Variants in PEX11G observed in about 807,000 individuals in gnomAD.
PEX11G encodes peroxisomal membrane protein 11C.
Under a neutral mutation model 22.5 loss-of-function variants are expected in PEX11G, and 20 were observed. The observed-to-expected ratio is 0.89, with a 90% CI of 0.62 to 1.29. The LOEUF is 1.29. Ranked by LOEUF, PEX11G falls within the 50% of genes most tolerant of loss-of-function variation. The pLI is 0.00. For missense variants in PEX11G, 347 were observed against 331.3 expected (o/e 1.05, Z -0.37); for synonymous variants, 141 against 154.5 (o/e 0.91, Z 0.65).
intron 2 of PEX11G, among the ~76,000 whole-genome samples, chr19:7,484,232 C>T (rs11883404): frequency 0.38 from 56,858 of 151,604 alleles, 11,365 homozygotes; most frequent in African/African-American, 0.53. Flanking sequence ...GGTGCACCTG[C>T]AGTCCCAGCT....
At position 7,477,195 on chromosome 19, in the gene PEX11G, G is replaced by A. The variant is rs765161621; in HGVS notation, c.*7C>T. The A allele has an allele frequency of 6.8e-6, 10 of 1,469,102 alleles. No individual in the cohort carries two copies. Among genetic ancestry groups the A allele is most frequent in the Middle Eastern group, 1.8e-4 (1 of 5,494 alleles). The allele number at this position is 1,469,102 out of a possible 1,614,324, so 91.0% of individuals were successfully genotyped here. ...TCTGGCTGTGTCCCTGTGCTCTTCC[G>A]GCAGTGTCAGGGGGTAGTGGCCTCG... On this transcript the variant is annotated 3_prime_UTR_variant, in exon 5 of 5. Coordinates refer to ENST00000221480, the MANE Select transcript of PEX11G (RefSeq NM_080662.4).
chr19:7,481,721 C>G (rs1358524850), intron 3 of PEX11G, among the ~76,000 whole-genome samples: 1 of 152,172 alleles, frequency 6.6e-6, no homozygotes, highest in Non-Finnish European at 1.5e-5. Context: ...ACGGACCTCC[C>G]CCTGGGACCT....
intron 1 of PEX11G, among the ~76,000 whole-genome samples, chr19:7,487,757 T>C (rs1311726123): frequency 1.3e-5 from 2 of 152,274 alleles, no homozygotes; most frequent in East Asian, 3.9e-4. Context: ...TTTTCAGAAA[T>C]TGCTTGTTCC....
chr19:7,477,419 T>A lies in PEX11G; in HGVS notation c.509A>T (p.Lys170Met). 6.8e-7 allele frequency: 1 copy of A among 1,472,880 alleles called. No individual in the cohort carries two copies. The highest frequency in any genetic ancestry group is 9.0e-7 in the Non-Finnish European group (1 of 1,115,776). 91.2% of individuals were successfully genotyped at this position (1,472,880 alleles called of 1,614,324 possible). ...APFTSPLPRG[K>M]RRAMEAQMQS... is the part of the protein sequence containing the mutation. ...CATCTGCGCCTCCATGGCCCTCCGCTTGCCCCGGGGCAGCGGGCTGTGGGG... is the reference window on the plus strand; with the variant it reads ...CATCTGCGCCTCCATGGCCCTCCGCATGCCCCGGGGCAGCGGGCTGTGGGG... Residue 170 changes from lysine (K) to methionine (M), a missense_variant, in exon 5 of 5, where the codon AAG becomes ATG. Coordinates refer to ENST00000221480, the MANE Select transcript of PEX11G (RefSeq NM_080662.4).
chr19:7,484,414 T>C (rs988427699), intron 2 of PEX11G, among the ~76,000 whole-genome samples: 3 of 151,892 alleles, frequency 2.0e-5, no homozygotes, highest in African/African-American at 7.3e-5. Flanking sequence ...AAAAAAGCAC[T>C]GTTTATGTAA....
In PEX11G at chr19:7,485,396, T is replaced by C. The variant is rs1019118638; in HGVS notation, c.249+442A>G. On this transcript the variant is annotated intron_variant, in intron 2 of 4. Coordinates refer to ENST00000221480, the MANE Select transcript of PEX11G (RefSeq NM_080662.4). ...TTTTAGACGGAGTCTCGCTCTGTCG[T>C]CCAGGCTGGAGTGCAGTGGCGCGAT... Among the ~76,000 whole-genome samples the C allele has an allele frequency of 4.6e-5, 7 of 151,192 alleles. No individual in the cohort carries two copies. The East Asian group carries it at 9.8e-4, about 21-fold the overall frequency.
At chr19:7,479,042 A>G (rs1269325921) in intron 3 of PEX11G, among the ~76,000 whole-genome samples, 3 of 152,184 alleles carry the variant, frequency 2.0e-5, no homozygotes, top group Non-Finnish European at 4.4e-5. Context: ...TGTGACTGTG[A>G]CAGAATGGGC....
At chr19:7,488,768 C>T (rs950606468) in intron 1 of PEX11G, among the ~76,000 whole-genome samples, 183 bp downstream of exon 1, 3 of 152,250 alleles carry the variant, frequency 2.0e-5, no homozygotes, top group Non-Finnish European at 4.4e-5. Flanking sequence ...CACCACTGCA[C>T]TCCAGCCAAA....
chr19:7,486,169 C>T, intron 1 of PEX11G, 143 bp from the exon 2 acceptor site: 1 of 724,162 alleles, frequency 1.4e-6, no homozygotes, highest in Non-Finnish European at 2.1e-6. Flanking sequence ...CTCTGTCATC[C>T]AGACTGGAGT....
chr19:7,489,843 G>A (rs1336165086), upstream of PEX11G, among the ~76,000 whole-genome samples: 1 of 150,926 alleles, frequency 6.6e-6, no homozygotes, highest in Non-Finnish European at 1.5e-5. Flanking sequence ...ACTCTTGTCT[G>A]GAGACGTCTT....
chr19:7,482,306 G>T, intron 2 of PEX11G, 95 bp from the exon 3 acceptor site: 1 of 1,368,386 alleles, frequency 7.3e-7, no homozygotes. Context: ...GCTATTTCCT[G>T]ACCCCAGTCC....
At chr19:7,489,452 T>C, upstream of PEX11G, 6 of 995,604 alleles carry the variant, frequency 6.0e-6, no homozygotes, top group Non-Finnish European at 7.2e-6. Context: ...TGCTGTAATA[T>C]CACAACAAGG....
intron 2 of PEX11G, among the ~76,000 whole-genome samples, 155 bp from the exon 3 acceptor site, chr19:7,482,366 C>A (rs993199074): frequency 1.3e-5 from 2 of 152,180 alleles, no homozygotes; most frequent in African/African-American, 4.8e-5. Context: ...GGCTCTGGGG[C>A]TGGGGTCCCC....
chr19:7,487,400 C>G (rs2145977418), intron 1 of PEX11G, among the ~76,000 whole-genome samples: 1 of 152,238 alleles, frequency 6.6e-6, no homozygotes, highest in South Asian at 2.1e-4. Flanking sequence ...TGATGTGGAG[C>G]CTTCTGAAAT....
At chr19:7,491,983 T>C (rs1466352985), upstream of PEX11G, among the ~76,000 whole-genome samples, 1 of 152,208 alleles carries the variant, frequency 6.6e-6, no homozygotes, top group African/African-American at 2.4e-5. Context: ...GAGGTTTGTC[T>C]AAGTTGCAGC....
upstream of PEX11G, among the ~76,000 whole-genome samples, chr19:7,490,455 GCAC>G (rs561614222): frequency 4.0e-3 from 608 of 150,850 alleles, no homozygotes; most frequent in Middle Eastern, 0.011. Context: ...CGAGTAGCTG[GCAC>G]TACTACAGGC....
chr19:7,489,774 G>T (rs2021834075), upstream of PEX11G, among the ~76,000 whole-genome samples: 1 of 152,024 alleles, frequency 6.6e-6, no homozygotes. Flanking sequence ...AGGTACAAAG[G>T]TGCCCTCCTC....
chr19:7,482,115 G>A lies in PEX11G; in HGVS notation c.346C>T (p.Arg116Trp), dbSNP rs560989207. The change falls in exon 3 of 5, where the codon CGG becomes TGG. Residue 116 changes from arginine (R) to tryptophan (W), a missense_variant. By Grantham distance (101) the Arg-to-Trp change is moderately radical. Transcript: ENST00000221480. ...CEHVAWAADA[R>W]VLHVDSSRWW... Reference sequence around the variant, plus strand: ...CGAGAAGAGTCCACGTGGAGGACCCGGGCATCAGCCGCCCAGGCCACGTGC... The same window carrying A: ...CGAGAAGAGTCCACGTGGAGGACCCAGGCATCAGCCGCCCAGGCCACGTGC... 9.6e-5 allele frequency: 154 copies of A among 1,600,878 alleles called. No individual in the cohort carries two copies. The South Asian group carries it at 1.3e-3, about 13-fold the overall frequency.
chr19:7,479,140 T>TG (rs1977375881), intron 3 of PEX11G, among the ~76,000 whole-genome samples: 2 of 152,268 alleles, frequency 1.3e-5, no homozygotes, highest in Non-Finnish European at 2.9e-5. Flanking sequence ...GGGAGCCTCC[T>TG]GGGGGGCTAG....
Sources: gnomAD v4.1 joint callset for allele counts (sites outside exome capture counted in the v4.1 genomes callset) on GRCh38, gnomAD v4.1.1 for gene constraint, MANE v1.5 for transcripts, NCBI Gene and HGNC (gene_info 2026-07-23, HGNC 2026-07-21) for gene names.